Variants in HGS observed in about 807,000 individuals in gnomAD.
HGS encodes human growth factor-regulated tyrosine kinase substrate.
In HGS, 63 loss-of-function variants were observed where a neutral mutation model predicts 109.7. That is an observed-to-expected ratio of 0.57 (90% CI 0.47 to 0.71). HGS has a LOEUF of 0.71. HGS is among the 30% of genes least tolerant of loss of function. The probability of loss-of-function intolerance (pLI) is 0.00; values close to 1 mark genes in which losing one functional copy is unlikely to be tolerated. For synonymous variants in HGS, 546 were observed against 437.3 expected (o/e 1.25, Z -3.10); for missense variants, 995 against 1,068.3 (o/e 0.93, Z 0.96).
At chr17:81,699,435 T>C (rs1568219399) in intron 18 of HGS, among the ~76,000 whole-genome samples, 1 of 152,238 alleles carries the variant, frequency 6.6e-6, no homozygotes, top group African/African-American at 2.4e-5. Flanking sequence ...TTGGTTTATC[T>C]TCTTTTTTGA....
At chr17:81,685,736 C>T in intron 2 of HGS, 47 bp downstream of exon 2, 1 of 1,488,704 alleles carries the variant, frequency 6.7e-7, no homozygotes, top group South Asian at 1.2e-5. Flanking sequence ...CAGCCGTGCA[C>T]TAAGCTGGGC....
chr17:81,687,157 T>C, intron 4 of HGS, 62 bp downstream of exon 4: 1 of 1,132,620 alleles, frequency 8.8e-7, no homozygotes, highest in South Asian at 1.3e-5. Context: ...CTCCGGGTGT[T>C]TACTGGGCAC....
chr17:81,694,907 C>G lies in HGS; in HGVS notation c.976-17C>G. On this transcript the variant is annotated splice_polypyrimidine_tract_variant and intron_variant, in intron 12 of 21. Transcript: ENST00000329138. ...CACGGTTTCTGGCCTTGGGAGTGACCCCCTCATTGCCTGCAGCTCGCACGG... is the reference window on the plus strand; with the variant it reads ...CACGGTTTCTGGCCTTGGGAGTGACGCCCTCATTGCCTGCAGCTCGCACGG... 1.2e-6 allele frequency: 2 copies of G among 1,614,210 alleles called. No individual in the cohort carries two copies. Among genetic ancestry groups the G allele is most frequent in the Non-Finnish European group, 1.7e-6 (2 of 1,180,036 alleles).
intron 18 of HGS, chr17:81,697,396 C>T (rs12452184): frequency 0.5 from 72,296 of 145,276 alleles, 18,612 homozygotes; most frequent in African/African-American, 0.67. Context: ...CAGTCAGCTT[C>T]TGTGTTTTGT....
At chr17:81,690,051 G>A (rs1309240180) in intron 5 of HGS, 131 bp from the exon 6 acceptor site, 17 of 898,730 alleles carry the variant, frequency 1.9e-5, no homozygotes, top group Non-Finnish European at 2.5e-5. Flanking sequence ...AGGCTGTCTC[G>A]GTGCCCCCAG....
chr17:81,698,842 G>A (rs1442480678), intron 18 of HGS, among the ~76,000 whole-genome samples: 2 of 152,214 alleles, frequency 1.3e-5, no homozygotes, highest in African/African-American at 2.4e-5. Flanking sequence ...GCCAAGGCGC[G>A]TGGCTCACCT....
chr17:81,690,332 AG>A (rs1383978011), intron 6 of HGS, 98 bp downstream of exon 6: 48 of 1,255,350 alleles, frequency 3.8e-5, no homozygotes, highest in Non-Finnish European at 5.3e-5. Context: ...TTGGTGGCTG[AG>A]CTCTCGTCTG....
intron 18 of HGS, chr17:81,697,988 A>G (rs779286714): frequency 6.6e-6 from 1 of 151,826 alleles, no homozygotes; most frequent in Admixed American, 6.6e-5. Flanking sequence ...ACAGGATTGC[A>G]CCACCATGCC....
At chr17:81,685,464 G>T in intron 1 of HGS, 141 bp from the exon 2 acceptor site, 1 of 575,236 alleles carries the variant, frequency 1.7e-6, no homozygotes. Context: ...GCACGCTCAG[G>T]AGGATTCTGT....
At chr17:81,688,906 G>A in intron 5 of HGS, 79 bp downstream of exon 5, 1 of 1,575,078 alleles carries the variant, frequency 6.3e-7, no homozygotes, top group South Asian at 1.1e-5. Context: ...CAGTGGCGAG[G>A]GGCCTGGGAA....
chr17:81,697,054 C>A, intron 18 of HGS, 56 bp downstream of exon 18: 1 of 1,478,208 alleles, frequency 6.8e-7, no homozygotes, highest in South Asian at 1.3e-5. Flanking sequence ...TTATTTTAGC[C>A]GAATTTACAG....
intron 5 of HGS, among the ~76,000 whole-genome samples, 153 bp downstream of exon 5, chr17:81,688,980 A>G (rs938198173): frequency 2.6e-5 from 4 of 152,230 alleles, no homozygotes; most frequent in Admixed American, 2.6e-4. Context: ...AAGACCGTGC[A>G]TGTGAGGGCG....
At position 81,691,413 on chromosome 17, in the gene HGS, G is replaced by A. The variant is rs1389896006; in HGVS notation, c.538-34G>A. 5 of 1,612,312 alleles carry A rather than the reference G, an allele frequency of 3.1e-6. No individual in the cohort carries two copies. Among genetic ancestry groups the A allele is most frequent in the East Asian group, 4.5e-5 (2 of 44,836 alleles). ...GGGTGGCGCATCAGGGTCCCCCAGT[G>A]CCTGTGACCAGGCCCGCCCGCCCCA... On this transcript the variant is annotated intron_variant, in intron 7 of 21. Coordinates refer to ENST00000329138, the MANE Select transcript of HGS (RefSeq NM_004712.5). The surrounding 1 kb of genome is among the most constrained non-coding windows in gnomAD (Gnocchi z 5.3).
chr17:81,684,308 A>C, intron 1 of HGS: 2 of 399,860 alleles, frequency 5.0e-6, no homozygotes, highest in Non-Finnish European at 8.5e-6. Flanking sequence ...GCGTTGGCAA[A>C]TGGGGCTCTG....
rs1437523394 is a variant in HGS at position 81,701,025 on chromosome 17, C to CT, written c.2137-19dup. On this transcript the variant is annotated intron_variant, in intron 20 of 21. Coordinates refer to ENST00000329138, the MANE Select transcript of HGS (RefSeq NM_004712.5). ...TGGTCACAGGGCTACTCTCTCACAT[C>CT]TGACGTCTTCTCACAACAGAATCTC... 6.2e-7 allele frequency: 1 copy of CT among 1,607,838 alleles called. No individual in the cohort carries two copies. The highest frequency in any genetic ancestry group is 1.7e-5 in the Admixed American group (1 of 59,992).
At chr17:81,700,095 G>A (rs1019335778) in intron 18 of HGS, among the ~76,000 whole-genome samples, 94 of 150,378 alleles carry the variant, frequency 6.3e-4, no homozygotes, top group African/African-American at 2.1e-3. Flanking sequence ...GGCCGGGCGC[G>A]GTGGCTCACG....
intron 18 of HGS, 191 bp downstream of exon 18, chr17:81,697,189 C>T (rs754210242): frequency 3.7e-5 from 24 of 646,484 alleles, no homozygotes; most frequent in African/African-American, 1.1e-4. Context: ...TGTTTCAGTC[C>T]GTGCGTGGCA....
Position 81,693,521 on chromosome 17 carries a change from C to A in HGS, c.681C>A (p.Ala227=), listed in dbSNP as rs1213121783. The A allele has an allele frequency of 6.2e-7, 1 of 1,613,270 alleles. No homozygotes were observed. The highest frequency in any genetic ancestry group is 1.1e-5 in the South Asian group (1 of 91,034). The change falls in exon 9 of 22, where the codon GCC becomes GCA. Residue 227 remains alanine, a synonymous_variant. Transcript: ENST00000329138. ...CCCACAGGAAAGCGGAGGGAAAGGCCACTTCCACCACTGAGCTGCCCCCCG... is the reference window on the plus strand; with the variant it reads ...CCCACAGGAAAGCGGAGGGAAAGGCAACTTCCACCACTGAGCTGCCCCCCG... ...EQLNRKAEGK[A]TSTTELPPEY... is the part of the protein sequence containing the mutation.
intron 8 of HGS, chr17:81,692,762 C>G (rs573289771): frequency 2.0e-5 from 3 of 152,186 alleles, no homozygotes; most frequent in Non-Finnish European, 4.4e-5. Flanking sequence ...GCGGGCAGAT[C>G]ACGAGGCCAA....
Sources: allele counts gnomAD v4.1 joint callset (sites outside exome capture counted in the v4.1 genomes callset), GRCh38; gene constraint gnomAD v4.1.1; non-coding constraint Gnocchi (gnomAD v3.1); transcripts MANE v1.5; gene names NCBI Gene and HGNC (gene_info 2026-07-23, HGNC 2026-07-21).